Variants in SZT2 observed in about 807,000 individuals in gnomAD.
SZT2 encodes the protein KICSTOR complex protein SZT2.
In SZT2, 216 loss-of-function variants were observed where a neutral mutation model predicts 404.2. The observed-to-expected ratio is 0.53, with a 90% CI of 0.48 to 0.60. The LOEUF is 0.60. Ranked by LOEUF, SZT2 falls within the 20% of genes least tolerant of loss-of-function variation. The pLI is 0.00. For missense variants in SZT2, 3,857 were observed against 4,459.2 expected, an observed-to-expected ratio of 0.86 and a Z score of 3.85; for synonymous variants, 1,693 against 1,749.9, an observed-to-expected ratio of 0.97 and a Z score of 0.81.
intron 4 of SZT2, among the ~76,000 whole-genome samples, chr1:43,407,957 C>T (rs931969445): frequency 2.0e-5 from 3 of 151,008 alleles, no homozygotes; most frequent in Non-Finnish European, 4.4e-5. Context: ...CTCAGCCTCC[C>T]GAGTAGCTGG....
Position 43,442,602 on chromosome 1 carries a change from C to T in SZT2, c.8135C>T (p.Pro2712Leu), listed in dbSNP as rs867287148. ...CATCATTATGGCCAGTTGGACTTCC[C>T]CGTGCGAGATGAAAAGGTGCCTGCT... ...LFHHYGQLDFPVRDEKEPNPF... is the reference protein window; with the variant it reads ...LFHHYGQLDFLVRDEKEPNPF... Residue 2712 changes from proline to leucine, a missense_variant, in exon 58 of 72, where the codon CCC becomes CTC. Pro to Leu is a moderately conservative substitution (Grantham distance 98). Coordinates refer to ENST00000634258, the MANE Select transcript of SZT2 (RefSeq NM_001365999.1). This position sits in a 1 kb window ranked among gnomAD's most constrained non-coding sequence, Gnocchi z 4.5. 4.4e-6 allele frequency: 7 copies of T among 1,604,822 alleles called. No individual in the cohort carries two copies. Among genetic ancestry groups the T allele is most frequent in the Non-Finnish European group, 2.6e-6 (3 of 1,173,950 alleles).
Position 43,451,047 on chromosome 1 carries a change from A to G in SZT2, c.*567A>G, listed in dbSNP as rs2153937597. 1 of 786,234 alleles carries G rather than the reference A, an allele frequency of 1.3e-6. No individual in the cohort carries two copies. 48.7% of individuals were successfully genotyped at this position (786,234 alleles called of 1,614,324 possible). On this transcript the variant is annotated 3_prime_UTR_variant, in exon 72 of 72. Coordinates refer to ENST00000634258, the MANE Select transcript of SZT2 (RefSeq NM_001365999.1). The stretch of plus-strand genomic sequence containing the variant: ...ATGAGGTGGGTTCAGAAGCTCTCCC[A>G]TCTTCACAGCAACCCTGGCACTGGC...
Position 43,450,031 on chromosome 1 carries a change from C to G in SZT2, c.10087-72C>G. 6.3e-7 allele frequency: 1 copy of G among 1,585,456 alleles called. No individual in the cohort carries two copies. The highest frequency in any genetic ancestry group is 1.7e-4 in the Middle Eastern group (1 of 6,016). ...GAGATGGAAGTAGGCCTCTCCTCAT[C>G]CTCCCTTCACCTCAGGATGCCCTGT... is the stretch of plus-strand genomic sequence containing the variant. On this transcript the variant is annotated intron_variant, in intron 70 of 71. Coordinates refer to ENST00000634258, the MANE Select transcript of SZT2 (RefSeq NM_001365999.1). This position sits in a 1 kb window ranked among gnomAD's most constrained non-coding sequence, Gnocchi z 4.3.
chr1:43,427,203 G>T (rs773910450), intron 24 of SZT2, 24 bp downstream of exon 24: 1 of 1,612,354 alleles, frequency 6.2e-7, no homozygotes, highest in East Asian at 2.2e-5. Flanking sequence ...ACCTCCTCAC[G>T]AACCCCCTCA....
intron 1 of SZT2, among the ~76,000 whole-genome samples, chr1:43,390,692 C>G (rs1418957600): frequency 6.6e-6 from 1 of 152,204 alleles, no homozygotes; most frequent in Non-Finnish European, 1.5e-5. Flanking sequence ...GTGGCATTCT[C>G]ACAGAGGAGA....
At position 43,427,515 on chromosome 1, in the gene SZT2, A is replaced by G. The variant is rs899862906; in HGVS notation, c.3599-15A>G. 1 of 1,614,002 alleles carries G rather than the reference A, an allele frequency of 6.2e-7. No homozygotes were observed. Among genetic ancestry groups the G allele is most frequent in the African/African-American group, 1.3e-5 (1 of 74,930 alleles). ...AGATAGAGCTGGAAGACCACGTGAC[A>G]CCTTTTCTTCACAGACAATGCCCAG... On this transcript the variant is annotated splice_polypyrimidine_tract_variant and intron_variant, in intron 25 of 71. Coordinates refer to ENST00000634258, the MANE Select transcript of SZT2 (RefSeq NM_001365999.1).
Position 43,430,600 on chromosome 1 carries a change from G to A in SZT2, c.4585G>A (p.Ala1529Thr). Residue 1529 changes from alanine to threonine, a missense_variant, in exon 32 of 72, where the codon GCC becomes ACC. This residue lies in a region of SZT2 where 1,725 missense variants were observed against 1,881.0 expected (regional missense o/e 0.92). Coordinates refer to ENST00000634258, the MANE Select transcript of SZT2 (RefSeq NM_001365999.1). ...SDLGPAGLDS[A>T]SLSDVDTVNP... ...CCTGGGGCCTGCTGGGCTAGACTCTGCCTCGCTGTCAGACGTAGACACTGT... is the reference window on the plus strand; with the variant it reads ...CCTGGGGCCTGCTGGGCTAGACTCTACCTCGCTGTCAGACGTAGACACTGT... 2 of 1,614,206 alleles carry A rather than the reference G, an allele frequency of 1.2e-6. No homozygotes were observed. The highest frequency in any genetic ancestry group is 2.2e-5 in the South Asian group (2 of 91,088).
Position 43,452,767 on chromosome 1 carries a change from G to T in SZT2, c.*2287G>T. The T allele has an allele frequency of 2.3e-6, 2 of 858,208 alleles. No homozygotes were observed. Among genetic ancestry groups the T allele is most frequent in the Non-Finnish European group, 3.7e-6 (2 of 540,256 alleles). 53.2% of individuals were successfully genotyped at this position (858,208 alleles called of 1,614,324 possible). ...CCTCTTGCCAGTTCCTTCTGAGCCT[G>T]TTTGGCCTCTGCAGGATTTGACATT... On this transcript the variant is annotated 3_prime_UTR_variant, in exon 72 of 72. Coordinates refer to ENST00000634258, the MANE Select transcript of SZT2 (RefSeq NM_001365999.1).
Position 43,425,318 on chromosome 1 carries a change from AG to A in SZT2, c.2645+116del, listed in dbSNP as rs1161143461. ...GATGATCTTGATCCCAAAGTCAGGG[AG>A]GGGGTGCGGTGTTTAGATGCTTCAT... is the stretch of plus-strand genomic sequence containing the variant. On this transcript the variant is annotated intron_variant, in intron 18 of 71. Transcript: ENST00000634258. The surrounding 1 kb of genome is among the most constrained non-coding windows in gnomAD (Gnocchi z 4.3). The A allele has an allele frequency of 6.6e-6, 10 of 1,513,842 alleles. No individual in the cohort carries two copies. Among genetic ancestry groups the A allele is most frequent in the Non-Finnish European group, 9.1e-6 (10 of 1,104,418 alleles). The allele number at this position is 1,513,842 out of a possible 1,614,324, so 93.8% of individuals were successfully genotyped here. A position where few individuals can be genotyped will look rare whatever the true frequency, so the allele number is the denominator to read the frequency against.
At chr1:43,396,506 G>A (rs1285442072) in intron 1 of SZT2, among the ~76,000 whole-genome samples, 1 of 152,050 alleles carries the variant, frequency 6.6e-6, no homozygotes, top group African/African-American at 2.4e-5. Context: ...ACAGGTATGG[G>A]CAAAAAAAAC....
In SZT2 at chr1:43,440,448, C is replaced by T. The variant is rs1258976723; in HGVS notation, c.7211-5C>T. The T allele has an allele frequency of 6.3e-7, 1 of 1,582,018 alleles. No individual in the cohort carries two copies. ...ATGGGTGTCTGTAATGTCTGATGTC[C>T]ACAGGAAGTCTCAGGAACGGATCGT... On this transcript the variant is annotated splice_polypyrimidine_tract_variant and splice_region_variant and intron_variant, in intron 51 of 71. Coordinates refer to ENST00000634258, the MANE Select transcript of SZT2 (RefSeq NM_001365999.1).
intron 15 of SZT2, among the ~76,000 whole-genome samples, chr1:43,423,919 TAGC>T (rs966686037): frequency 8.0e-5 from 12 of 150,448 alleles, no homozygotes; most frequent in African/African-American, 2.7e-4. Flanking sequence ...GGGTGTGGCT[TAGC>T]AGGGTATCAG....
rs766743749 is a variant in SZT2, at chr1:43,427,344, T to C, written c.3497T>C (p.Phe1166Ser). The C allele has an allele frequency of 6.2e-7, 1 of 1,613,936 alleles. No individual in the cohort carries two copies. Among genetic ancestry groups the C allele is most frequent in the Non-Finnish European group, 8.5e-7 (1 of 1,179,988 alleles). ...GPPQEETKPK[F>S]GDWSGAPSLK... ...CCTCAAGAGGAGACAAAGCCTAAGTTTGGGGATTGGAGTGGGGCTCCCAGT... is the reference window on the plus strand; with the variant it reads ...CCTCAAGAGGAGACAAAGCCTAAGTCTGGGGATTGGAGTGGGGCTCCCAGT... Residue 1166 changes from phenylalanine to serine, a missense_variant, in exon 25 of 72, where the codon TTT becomes TCT. Physicochemically the swap from Phe to Ser is radical, Grantham distance 155. Coordinates refer to ENST00000634258, the MANE Select transcript of SZT2 (RefSeq NM_001365999.1).
chr1:43,452,703 C>T lies in SZT2; in HGVS notation c.*2223C>T, dbSNP rs935668221. ...TCCTCGCATCTACTTAGCCTTTTCC[C>T]ATCTGTTTTCTGCCCCCACCATTGA... On this transcript the variant is annotated 3_prime_UTR_variant, in exon 72 of 72. Coordinates refer to ENST00000634258, the MANE Select transcript of SZT2 (RefSeq NM_001365999.1). 4 of 615,410 alleles carry T rather than the reference C, an allele frequency of 6.5e-6. No individual in the cohort carries two copies. The highest frequency in any genetic ancestry group is 1.2e-5 in the Non-Finnish European group (4 of 346,636). The allele number at this position is 615,410 out of a possible 1,614,324, so 38.1% of individuals were successfully genotyped here.
intron 66 of SZT2, 123 bp from the exon 67 acceptor site, chr1:43,447,422 A>G: frequency 7.4e-7 from 1 of 1,355,222 alleles, no homozygotes; most frequent in Non-Finnish European, 1.0e-6. Flanking sequence ...AGGAGCTCCT[A>G]AGGAAAGCAG....
rs543202454 is a variant in SZT2, at chr1:43,424,092, G to C, written c.2256-125G>C. On this transcript the variant is annotated intron_variant, in intron 15 of 71. Coordinates refer to ENST00000634258, the MANE Select transcript of SZT2 (RefSeq NM_001365999.1). This position sits in a 1 kb window ranked among gnomAD's most constrained non-coding sequence, Gnocchi z 4.1. ...AGGTGTGGAAGGGCGTGGCTTAGCC[G>C]GGTATCAGTGGTACAGAGGTGTGGA... 3.8e-6 allele frequency: 3 copies of C among 783,910 alleles called. No individual in the cohort carries two copies. The highest frequency in any genetic ancestry group is 6.2e-6 in the Non-Finnish European group (3 of 487,564). 48.6% of individuals were successfully genotyped at this position (783,910 alleles called of 1,614,324 possible). A position where few individuals can be genotyped will look rare whatever the true frequency, so the allele number is the denominator to read the frequency against.
intron 62 of SZT2, among the ~76,000 whole-genome samples, chr1:43,445,000 G>A (rs1655506390): frequency 6.6e-6 from 1 of 152,120 alleles, no homozygotes; most frequent in Non-Finnish European, 1.5e-5. Context: ...GAGAAGGCGT[G>A]CCTGCCCCTC....
At chr1:43,429,354 G>T (rs909200774) in intron 28 of SZT2, 3 of 229,660 alleles carry the variant, frequency 1.3e-5, no homozygotes, top group Non-Finnish European at 2.6e-5. Flanking sequence ...GCAACCAGGG[G>T]AGACCTTGTT....
At chr1:43,447,333 A>G (rs1333847756) in intron 66 of SZT2, among the ~76,000 whole-genome samples, 165 bp downstream of exon 66, 5 of 152,154 alleles carry the variant, frequency 3.3e-5, no homozygotes, top group Non-Finnish European at 7.4e-5. Context: ...TCTGTTTCTT[A>G]CCAGAGTTTG....
Sources: allele counts gnomAD v4.1 joint callset (sites outside exome capture counted in the v4.1 genomes callset), GRCh38; gene constraint gnomAD v4.1.1; regional missense constraint gnomAD v4.1.1; non-coding constraint Gnocchi (gnomAD v3.1); transcripts MANE v1.5; gene names NCBI Gene and HGNC (gene_info 2026-07-23, HGNC 2026-07-21).